Variants in MACROD2 observed in about 807,000 individuals in gnomAD.
MACROD2 encodes the protein ADP-ribose glycohydrolase MACROD2.
A neutral mutation model predicts 70.4 loss-of-function variants in MACROD2; 36 were observed. The ratio of observed to expected loss-of-function variants is 0.51; its 90% CI spans 0.39 to 0.68. The LOEUF (loss-of-function observed/expected upper bound fraction) is 0.68. Ranked by LOEUF, MACROD2 falls within the 30% of genes least tolerant of loss-of-function variation. The pLI is 0.00. For synonymous variants in MACROD2, 172 were observed against 178.8 expected, an observed-to-expected ratio of 0.96 and a Z score of 0.30; for missense variants, 496 against 538.4, an observed-to-expected ratio of 0.92 and a Z score of 0.78.
At chr20:14,957,279 C>T (rs1466534326) in intron 5 of MACROD2, among the ~76,000 whole-genome samples, 2 of 151,810 alleles carry the variant, frequency 1.3e-5, no homozygotes, top group Non-Finnish European at 2.9e-5. Context: ...GTTTTAGAAA[C>T]ATTGATTTTC....
chr20:14,801,032 AC>A (rs1416504260), intron 5 of MACROD2, among the ~76,000 whole-genome samples: 2 of 152,124 alleles, frequency 1.3e-5, no homozygotes, highest in Non-Finnish European at 2.9e-5. Context: ...ATACAAAGGG[AC>A]TTTTTAGCAC....
chr20:14,235,357 A>T (rs1234563898), intron 3 of MACROD2, among the ~76,000 whole-genome samples: 1 of 152,182 alleles, frequency 6.6e-6, no homozygotes, highest in African/African-American at 2.4e-5. Flanking sequence ...ACATACACAC[A>T]CATTCCCATT....
intron 8 of MACROD2, among the ~76,000 whole-genome samples, chr20:15,678,147 G>A (rs2050096316): frequency 6.6e-6 from 1 of 152,142 alleles, no homozygotes; most frequent in African/African-American, 2.4e-5. Context: ...ACTTGCCTGA[G>A]AACACACAAG....
intron 8 of MACROD2, among the ~76,000 whole-genome samples, chr20:15,592,727 C>T (rs562068659): frequency 6.6e-6 from 1 of 152,316 alleles, no homozygotes; most frequent in South Asian, 2.1e-4. Context: ...AAGCTGAAGA[C>T]ATTCTTTATT....
intron 2 of MACROD2, among the ~76,000 whole-genome samples, chr20:14,020,522 C>T (rs1298778551): frequency 1.3e-5 from 2 of 152,126 alleles, no homozygotes; most frequent in African/African-American, 4.8e-5. Flanking sequence ...ATTGTCTGGG[C>T]TTGTTTGTCA....
intron 5 of MACROD2, among the ~76,000 whole-genome samples, chr20:14,994,367 G>C: frequency 6.6e-6 from 1 of 152,104 alleles, no homozygotes; most frequent in East Asian, 1.9e-4. Context: ...GAAGGAAAGA[G>C]TGTGTTAGGA....
At chr20:15,342,484 G>A (rs1285540405) in intron 6 of MACROD2, among the ~76,000 whole-genome samples, 1 of 152,168 alleles carries the variant, frequency 6.6e-6, no homozygotes, top group Non-Finnish European at 1.5e-5. Flanking sequence ...ATTTGAGTCT[G>A]AAGGAATCCT....
At chr20:15,417,072 G>A (rs1703655586) in intron 6 of MACROD2, among the ~76,000 whole-genome samples, 1 of 152,166 alleles carries the variant, frequency 6.6e-6, no homozygotes, top group Admixed American at 6.5e-5. Context: ...AGACTCTGCA[G>A]GCGTGAAATC....
At chr20:14,132,637 T>G (rs530722498) in intron 3 of MACROD2, among the ~76,000 whole-genome samples, 1 of 152,246 alleles carries the variant, frequency 6.6e-6, no homozygotes, top group African/African-American at 2.4e-5. Context: ...AATCTGTTTC[T>G]TTTTCTTTCT....
chr20:14,478,360 C>T (rs1375476539), intron 3 of MACROD2, among the ~76,000 whole-genome samples: 2 of 152,150 alleles, frequency 1.3e-5, no homozygotes, highest in Non-Finnish European at 2.9e-5. Context: ...CTGTTTTCTG[C>T]TGAGGTAATT....
chr20:14,826,713 C>T (rs1029994513), intron 5 of MACROD2, among the ~76,000 whole-genome samples: 4 of 152,042 alleles, frequency 2.6e-5, no homozygotes, highest in East Asian at 1.9e-4. Flanking sequence ...CATAATAAGC[C>T]GAGCATCCTG....
At chr20:14,052,739 A>T (rs1007731315) in intron 2 of MACROD2, among the ~76,000 whole-genome samples, 1 of 152,104 alleles carries the variant, frequency 6.6e-6, no homozygotes, top group Non-Finnish European at 1.5e-5. Flanking sequence ...AATTTCTCAG[A>T]GGTTTTCTAA....
intron 5 of MACROD2, among the ~76,000 whole-genome samples, chr20:14,941,423 A>G (rs1317762730): frequency 1.3e-5 from 2 of 152,086 alleles, no homozygotes; most frequent in African/African-American, 2.4e-5. Context: ...AGGGAACCCA[A>G]TATGGTAAGG....
intron 4 of MACROD2, among the ~76,000 whole-genome samples, chr20:14,614,722 A>G (rs1436343340): frequency 6.6e-6 from 1 of 152,172 alleles, no homozygotes; most frequent in Non-Finnish European, 1.5e-5. Context: ...AATTTTAAGC[A>G]TTAATTATTC....
intron 7 of MACROD2, among the ~76,000 whole-genome samples, chr20:15,494,157 G>A (rs1461124788): frequency 1.3e-5 from 2 of 152,158 alleles, no homozygotes; most frequent in East Asian, 1.9e-4. Context: ...TAATTAGAAA[G>A]TACATCTCAA....
chr20:14,925,001 T>G (rs2074212129), intron 5 of MACROD2, among the ~76,000 whole-genome samples: 2 of 151,030 alleles, frequency 1.3e-5, no homozygotes, highest in East Asian at 3.9e-4. Context: ...TTTCTGTGTA[T>G]AAGGTATTGG....
At chr20:14,097,616 T>C (rs2054246052) in intron 3 of MACROD2, among the ~76,000 whole-genome samples, 1 of 152,204 alleles carries the variant, frequency 6.6e-6, no homozygotes, top group African/African-American at 2.4e-5. Context: ...CAAATAACTC[T>C]GACAAATTAT....
At position 15,124,365 on chromosome 20, in the gene MACROD2, T is replaced by C. The variant is rs923998126; in HGVS notation, c.419-105575T>C. Among the ~76,000 whole-genome samples the C allele has an allele frequency of 4.1e-5, 6 of 147,178 alleles. No individual in the cohort carries two copies. In the East Asian group the frequency reaches 1.2e-3, roughly 29 times the overall value. Reference sequence around the variant, plus strand: ...TAATTTCCTAGTTTTTTTTTTTTTCTAAAAAAAAGGCAAAGATAAAATTAC... The same window carrying C: ...TAATTTCCTAGTTTTTTTTTTTTTCCAAAAAAAAGGCAAAGATAAAATTAC... On this transcript the variant is annotated intron_variant, in intron 5 of 17. Transcript: ENST00000684519.
chr20:14,120,213 C>CAA (rs71190112), intron 3 of MACROD2, among the ~76,000 whole-genome samples: 12,372 of 76,396 alleles, frequency 0.16, 1,689 homozygotes, highest in African/African-American at 0.31. Context: ...GACTCCGTCT[C>CAA]AAAAAAAAAA....
Sources: gnomAD v4.1 joint callset for allele counts (sites outside exome capture counted in the v4.1 genomes callset) on GRCh38, gnomAD v4.1.1 for gene constraint, MANE v1.5 for transcripts, NCBI Gene and HGNC (gene_info 2026-07-23, HGNC 2026-07-21) for gene names.